The following PTGER4 variants were observed in gnomAD, a reference collection of about 807,000 sequenced individuals.
The protein encoded by PTGER4 is prostaglandin E2 receptor EP4 subtype.
In PTGER4, 11 loss-of-function variants were observed where a neutral mutation model predicts 33.2. That is an observed-to-expected ratio of 0.33 (90% CI 0.21 to 0.55). The LOEUF is 0.55. PTGER4 is among the 20% of genes least tolerant of loss of function. The pLI, the probability that PTGER4 is intolerant of heterozygous loss-of-function variation, is 0.92. For missense variants in PTGER4, 481 were observed against 650.2 expected (o/e 0.74, Z 2.83); for synonymous variants, 275 against 281.5 (o/e 0.98, Z 0.23).
chr5:40,685,541 T>TA, intron 2 of PTGER4: 2 of 849,654 alleles, frequency 2.4e-6, no homozygotes, highest in Non-Finnish European at 2.8e-6. Context: ...TGGCTAAGTT[T>TA]AAAAAATTGC....
chr5:40,710,154 A>G, the PTGER4 span, among the ~76,000 whole-genome samples: 4 of 152,240 alleles, frequency 2.6e-5, no homozygotes, highest in Admixed American at 2.6e-4. Context: ...ACAAAATGGG[A>G]GAACATTTTT....
the PTGER4 span, among the ~76,000 whole-genome samples, chr5:40,732,860 G>A: frequency 2.6e-5 from 4 of 151,930 alleles, no homozygotes; most frequent in Admixed American, 6.6e-5. Flanking sequence ...TGCCCGCCTC[G>A]GCCTCCCAAA....
intron 2 of PTGER4, among the ~76,000 whole-genome samples, chr5:40,682,265 G>A (rs1284930023): frequency 6.6e-6 from 1 of 152,190 alleles, no homozygotes; most frequent in Non-Finnish European, 1.5e-5. Context: ...AACCTGAAAT[G>A]TCAGGGATGG....
chr5:40,693,953 T>A (rs1444569559), downstream of PTGER4, among the ~76,000 whole-genome samples: 1 of 152,234 alleles, frequency 6.6e-6, no homozygotes, highest in Non-Finnish European at 1.5e-5. Flanking sequence ...GACAGTATTA[T>A]GCTTAGCTTG....
rs1017891449 is a variant in PTGER4, at chr5:40,691,211, C to T, written c.868-568C>T. On this transcript the variant is annotated intron_variant, in intron 2 of 2. Coordinates refer to ENST00000302472, the MANE Select transcript of PTGER4 (RefSeq NM_000958.3). The surrounding 1 kb of genome is among the most constrained non-coding windows in gnomAD (Gnocchi z 4.2). ...AATTTTTGTTTTTTTGAGACGGAGTCTCGCTCTGTCGCCAGGCTGGAGTGC... is the reference window on the plus strand; with the variant it reads ...AATTTTTGTTTTTTTGAGACGGAGTTTCGCTCTGTCGCCAGGCTGGAGTGC... Among the ~76,000 whole-genome samples, 10 of 151,520 alleles carry T rather than the reference C, an allele frequency of 6.6e-5. No individual in the cohort carries two copies. Among genetic ancestry groups the T allele is most frequent in the African/African-American group, 2.4e-4 (10 of 41,214 alleles).
the PTGER4 span, among the ~76,000 whole-genome samples, chr5:40,713,023 T>G: frequency 1.3e-5 from 2 of 152,158 alleles, no homozygotes; most frequent in Non-Finnish European, 2.9e-5. Flanking sequence ...ATCTTATTAT[T>G]GGTAAGAAAA....
chr5:40,739,549 A>G, the PTGER4 span, among the ~76,000 whole-genome samples: 7 of 152,156 alleles, frequency 4.6e-5, no homozygotes, highest in Non-Finnish European at 1.0e-4. Context: ...TGGTTGCATA[A>G]AAGTGTGTAG....
downstream of PTGER4, among the ~76,000 whole-genome samples, chr5:40,697,240 A>AAG (rs1561134434): frequency 2.2e-5 from 1 of 45,120 alleles, no homozygotes; most frequent in South Asian, 1.5e-3. Context: ...GAAAGAAAGA[A>AAG]AGAAAGAAAG....
chr5:40,727,110 T>C, the PTGER4 span, among the ~76,000 whole-genome samples: 3 of 152,160 alleles, frequency 2.0e-5, no homozygotes, highest in Non-Finnish European at 4.4e-5. Context: ...AACACCTTTT[T>C]TGGTAAGTAG....
At position 40,683,929 on chromosome 5, in the gene PTGER4, C is replaced by G. The variant is rs2111791278; in HGVS notation, c.867+2069C>G. 6.6e-6 allele frequency among the ~76,000 whole-genome samples: 1 copy of G among 152,240 alleles called. No individual in the cohort carries two copies. The highest frequency in any genetic ancestry group is 1.9e-4 in the East Asian group (1 of 5,190). On this transcript the variant is annotated intron_variant, in intron 2 of 2. Coordinates refer to ENST00000302472, the MANE Select transcript of PTGER4 (RefSeq NM_000958.3). The surrounding 1 kb of genome is among the most constrained non-coding windows in gnomAD (Gnocchi z 4.2). ...GTAGTAAATTTTAAGTAATCTTGAC[C>G]TGAAAATTGAAACTAGCTCAATTAA...
At chr5:40,682,005 C>A in intron 2 of PTGER4, 145 bp downstream of exon 2, 1 of 1,101,988 alleles carries the variant, frequency 9.1e-7, no homozygotes, top group Non-Finnish European at 1.2e-6. Context: ...CACTGTTTCT[C>A]AGAGCAGGCC....
the PTGER4 span, among the ~76,000 whole-genome samples, chr5:40,712,241 C>G: frequency 5.9e-5 from 9 of 152,006 alleles, no homozygotes; most frequent in Admixed American, 3.3e-4. Flanking sequence ...GTAATTAACA[C>G]TACTCAATTT....
chr5:40,719,403 A>G, the PTGER4 span, among the ~76,000 whole-genome samples: 5 of 152,162 alleles, frequency 3.3e-5, no homozygotes, highest in Non-Finnish European at 5.9e-5. Flanking sequence ...TTAATGCTGA[A>G]TAATATTTCA....
chr5:40,741,890 G>A, the PTGER4 span, among the ~76,000 whole-genome samples: 4 of 152,254 alleles, frequency 2.6e-5, no homozygotes, highest in Non-Finnish European at 4.4e-5. Context: ...TCAGGAGGCT[G>A]AGGCAGGAGA....
the PTGER4 span, among the ~76,000 whole-genome samples, chr5:40,700,092 A>G: frequency 9.8e-5 from 15 of 152,374 alleles, no homozygotes; most frequent in Admixed American, 4.6e-4. Context: ...TAACAAATGA[A>G]TTCATCAAGG....
At chr5:40,743,687 T>C in the PTGER4 span, among the ~76,000 whole-genome samples, 1 of 152,016 alleles carries the variant, frequency 6.6e-6, no homozygotes, top group Non-Finnish European at 1.5e-5. Context: ...GCAGGGAGGA[T>C]TGCTTAAACC....
At chr5:40,694,456 C>T (rs1741543659), downstream of PTGER4, among the ~76,000 whole-genome samples, 1 of 152,206 alleles carries the variant, frequency 6.6e-6, no homozygotes, top group Non-Finnish European at 1.5e-5. Context: ...GTGGCTTAAA[C>T]AACAGACATT....
chr5:40,712,700 C>T, the PTGER4 span, among the ~76,000 whole-genome samples: 1 of 152,160 alleles, frequency 6.6e-6, no homozygotes, highest in Non-Finnish European at 1.5e-5. Context: ...AAAAAAGAGG[C>T]TAGCATGCCC....
the PTGER4 span, among the ~76,000 whole-genome samples, chr5:40,723,682 T>C: frequency 6.6e-6 from 1 of 151,934 alleles, no homozygotes; most frequent in Non-Finnish European, 1.5e-5. Flanking sequence ...CTGGCCAACA[T>C]GGCAAAACCC....
Sources: gnomAD v4.1 joint callset for allele counts (sites outside exome capture counted in the v4.1 genomes callset) on GRCh38, gnomAD v4.1.1 for gene constraint, Gnocchi (gnomAD v3.1) non-coding constraint, MANE v1.5 for transcripts, NCBI Gene and HGNC (gene_info 2026-07-23, HGNC 2026-07-21) for gene names.